IRF5: variants seen among roughly 807,000 people sequenced by gnomAD.
IRF5 encodes the protein interferon regulatory factor 5.
In IRF5, 24 loss-of-function variants were observed where a neutral mutation model predicts 55.1. The observed-to-expected ratio is 0.44, with a 90% CI of 0.32 to 0.61. IRF5 has a LOEUF of 0.61. Among genes scored for constraint, IRF5 ranks in the 20% least tolerant of loss-of-function variants. The probability of loss-of-function intolerance (pLI) is 0.07; values close to 1 mark genes in which losing one functional copy is unlikely to be tolerated. For synonymous variants in IRF5, 258 were observed against 260.2 expected, an observed-to-expected ratio of 0.99 and a Z score of 0.08; for missense variants, 499 against 658.5, an observed-to-expected ratio of 0.76 and a Z score of 2.65.
chr7:128,939,521 G>T (rs982705111), intron 1 of IRF5, among the ~76,000 whole-genome samples: 1 of 152,156 alleles, frequency 6.6e-6, no homozygotes, highest in Non-Finnish European at 1.5e-5. Context: ...TCCCTGAGCT[G>T]GGTGTGGGTT....
intron 2 of IRF5, 22 bp from the exon 3 acceptor site, chr7:128,945,823 C>A: frequency 1.3e-6 from 2 of 1,594,960 alleles, no homozygotes; most frequent in South Asian, 2.2e-5. Flanking sequence ...TCTCTGTGGT[C>A]GGCTATTTCT....
chr7:128,940,549 A>G, intron 1 of IRF5: 1 of 152,664 alleles, frequency 6.6e-6, no homozygotes, highest in Non-Finnish European at 1.5e-5. Flanking sequence ...TCTGGGTGGG[A>G]GGTTGGAAAT....
In IRF5 at chr7:128,948,386, T is replaced by A; in HGVS notation, c.1299+58T>A. The stretch of plus-strand genomic sequence containing the variant: ...CTTGAAAACTGGGGAATCCTGGGGC[T>A]AGGCCCTTGCCCCAGGCTGGAGGCT... On this transcript the variant is annotated intron_variant, in intron 8 of 8. Transcript: ENST00000357234. The surrounding 1 kb of genome is among the most constrained non-coding windows in gnomAD (Gnocchi z 4.6). 3 of 1,474,044 alleles carry A rather than the reference T, an allele frequency of 2.0e-6. No individual in the cohort carries two copies. The highest frequency in any genetic ancestry group is 1.8e-6 in the Non-Finnish European group (2 of 1,084,230). The allele number at this position is 1,474,044 out of a possible 1,614,324, so 91.3% of individuals were successfully genotyped here.
rs1563078213 is a variant in IRF5 at position 128,948,000 on chromosome 7, C to A, written c.1059C>A (p.Ile353=). ...TACAGGGCCAGGACCTTTATGCCAT[C>A]CGCCTGTGTCAGTGCAAGGTGTTCT... is the stretch of plus-strand genomic sequence containing the variant. The part of the protein sequence containing the change: ...LQLQGQDLYA[I]RLCQCKVFWS... Residue 353 remains isoleucine (I), a synonymous_variant, in exon 7 of 9, where the codon ATC becomes ATA. Coordinates refer to ENST00000357234, the MANE Select transcript of IRF5 (RefSeq NM_001098629.3). The surrounding 1 kb of genome is among the most constrained non-coding windows in gnomAD (Gnocchi z 6.5). The A allele has an allele frequency of 5.6e-6, 9 of 1,614,198 alleles. No individual in the cohort carries two copies. In the East Asian group the frequency reaches 2.0e-4, roughly 36 times the overall value.
At chr7:128,941,961 C>A in intron 1 of IRF5, 110 bp from the exon 2 acceptor site, 1 of 749,414 alleles carries the variant, frequency 1.3e-6, no homozygotes, top group Non-Finnish European at 2.1e-6. Context: ...CCTTAAATAC[C>A]TAGATGGACT....
Position 128,946,563 on chromosome 7 carries a change from G to GT in IRF5, c.447+2dup. The GT allele has an allele frequency of 6.3e-7, 1 of 1,591,564 alleles. No individual in the cohort carries two copies. Among genetic ancestry groups the GT allele is most frequent in the Non-Finnish European group, 8.6e-7 (1 of 1,165,524 alleles). On this transcript the variant is annotated splice_donor_variant, in intron 4 of 8. Coordinates refer to ENST00000357234, the MANE Select transcript of IRF5 (RefSeq NM_001098629.3). LOFTEE classifies it high-confidence loss of function. The surrounding 1 kb of genome is among the most constrained non-coding windows in gnomAD (Gnocchi z 4.2). ...AGAGGAGGAGGAAGAAGAGGAAGAG[G>GT]TGAGTGTGGGTTGAGGAGGCAGGTG...
chr7:128,942,288 G>T lies in IRF5; in HGVS notation c.195+12G>T. On this transcript the variant is annotated intron_variant, in intron 2 of 8. Transcript: ENST00000357234. ...ACACCATCTTCAAGGTAAGCCCCGG[G>T]GAGGAGGTTGGCTGGACCTCCAGGG... 6.2e-7 allele frequency: 1 copy of T among 1,601,984 alleles called. No homozygotes were observed. Among genetic ancestry groups the T allele is most frequent in the Non-Finnish European group, 8.5e-7 (1 of 1,172,272 alleles).
Position 128,948,992 on chromosome 7 carries a change from G to T in IRF5, c.*174G>T, listed in dbSNP as rs746194881. ...GAAAGGCCCGAGCCCCTGCCTTCCC[G>T]GGCCTTTCTCTCCTGGGCTGTCTCT... On this transcript the variant is annotated 3_prime_UTR_variant, in exon 9 of 9. Coordinates refer to ENST00000357234, the MANE Select transcript of IRF5 (RefSeq NM_001098629.3). The surrounding 1 kb of genome is among the most constrained non-coding windows in gnomAD (Gnocchi z 4.6). 1.4e-5 allele frequency: 10 copies of T among 732,640 alleles called. No individual in the cohort carries two copies. The highest frequency in any genetic ancestry group is 1.7e-5 in the Non-Finnish European group (8 of 458,534). The allele number at this position is 732,640 out of a possible 1,614,324, so 45.4% of individuals were successfully genotyped here.
At position 128,948,124 on chromosome 7, in the gene IRF5, G is replaced by T. The variant is rs768858966; in HGVS notation, c.1180+3G>T. 11 of 1,613,518 alleles carry T rather than the reference G, an allele frequency of 6.8e-6. No individual in the cohort carries two copies. The highest frequency in any genetic ancestry group is 1.3e-5 in the African/African-American group (1 of 74,918). On this transcript the variant is annotated splice_donor_region_variant and intron_variant, in intron 7 of 8. Transcript: ENST00000357234. This position sits in a 1 kb window ranked among gnomAD's most constrained non-coding sequence, Gnocchi z 4.6. ...CAGCCTGGAGCATTTTCTCAATGGT[G>T]AGGGCCCAAAGCTGTGATCCTCCTG... is the stretch of plus-strand genomic sequence containing the variant.
At position 128,948,745 on chromosome 7, in the gene IRF5, C is replaced by A. The variant is rs749639613; in HGVS notation, c.1472C>A (p.Ala491Asp). 1.9e-6 allele frequency: 3 copies of A among 1,613,156 alleles called. No individual in the cohort carries two copies. In the Admixed American group the frequency reaches 5.0e-5, roughly 27 times the overall value. ...WQSQQRLQPV[A>D]QAPPGAGLGV... ...TCCCAGCAGCGGTTGCAGCCTGTGG[C>A]CCAGGCCCCTCCTGGAGCAGGCCTT... Residue 491 changes from alanine to aspartate, a missense_variant, in exon 9 of 9, where the codon GCC becomes GAC. By Grantham distance (126) the Ala-to-Asp change is moderately radical. Coordinates refer to ENST00000357234, the MANE Select transcript of IRF5 (RefSeq NM_001098629.3). This position sits in a 1 kb window ranked among gnomAD's most constrained non-coding sequence, Gnocchi z 4.6.
At position 128,947,312 on chromosome 7, in the gene IRF5, C is replaced by T. The variant is rs534043449; in HGVS notation, c.564C>T (p.Pro188=). ...DVKWPPTLQP[P]TLRPPTLQPP... is the part of the protein sequence containing the mutation. ...AGTGGCCGCCCACTCTGCAGCCGCC[C>T]ACTCTGCGGCCGCCTACTCTGCAGC... Residue 188 remains proline, a synonymous_variant, in exon 6 of 9, where the codon CCC becomes CCT. Coordinates refer to ENST00000357234, the MANE Select transcript of IRF5 (RefSeq NM_001098629.3). This position sits in a 1 kb window ranked among gnomAD's most constrained non-coding sequence, Gnocchi z 6.5. 4 of 414,156 alleles carry T rather than the reference C, an allele frequency of 9.7e-6. No homozygotes were observed. The East Asian group carries it at 3.3e-4, about 34-fold the overall frequency. The allele number at this position is 414,156 out of a possible 1,614,324, so 25.7% of individuals were successfully genotyped here.
In IRF5 at chr7:128,948,941, T is replaced by G. The variant is rs1311646412; in HGVS notation, c.*123T>G. Reference sequence around the variant, plus strand: ...GTCCTACCTCTGGGTTTCCTGGAAGTGGATTTGGGCCAAGAAGGAGAGGGA... The same window carrying G: ...GTCCTACCTCTGGGTTTCCTGGAAGGGGATTTGGGCCAAGAAGGAGAGGGA... On this transcript the variant is annotated 3_prime_UTR_variant, in exon 9 of 9. Coordinates refer to ENST00000357234, the MANE Select transcript of IRF5 (RefSeq NM_001098629.3). This position sits in a 1 kb window ranked among gnomAD's most constrained non-coding sequence, Gnocchi z 4.6. 1 of 1,251,210 alleles carries G rather than the reference T, an allele frequency of 8.0e-7. No individual in the cohort carries two copies. The highest frequency in any genetic ancestry group is 1.1e-6 in the Non-Finnish European group (1 of 916,132). The allele number at this position is 1,251,210 out of a possible 1,614,324, so 77.5% of individuals were successfully genotyped here. A position where few individuals can be genotyped will look rare whatever the true frequency, so the allele number is the denominator to read the frequency against.
At position 128,946,615 on chromosome 7, in the gene IRF5, C is replaced by T. The variant is rs1375664137; in HGVS notation, c.447+53C>T. On this transcript the variant is annotated intron_variant, in intron 4 of 8. Coordinates refer to ENST00000357234, the MANE Select transcript of IRF5 (RefSeq NM_001098629.3). This position sits in a 1 kb window ranked among gnomAD's most constrained non-coding sequence, Gnocchi z 4.2. ...AGCCCTGGACGAGCTCTCTGCTGTC[C>T]CCATCGGCCTTAGGTTTCCGCAGCC... The T allele has an allele frequency of 5.5e-6, 7 of 1,267,878 alleles. No homozygotes were observed. The highest frequency in any genetic ancestry group is 7.9e-6 in the Non-Finnish European group (7 of 889,302). The allele number at this position is 1,267,878 out of a possible 1,614,324, so 78.5% of individuals were successfully genotyped here.
Position 128,947,427 on chromosome 7 carries a change from A to G in IRF5, c.679A>G (p.Arg227Gly). 6.2e-7 allele frequency: 1 copy of G among 1,611,600 alleles called. No homozygotes were observed. Among genetic ancestry groups the G allele is most frequent in the African/African-American group, 1.3e-5 (1 of 75,014 alleles). ...APPPGNPAGF[R>G]ELLSEVLEPG... ...TCCCCCTGGCAACCCTGCTGGCTTC[A>G]GGGAGCTTCTCTCTGAGGTCCTGGA... The change falls in exon 6 of 9, where the codon AGG (arginine) becomes GGG (glycine). Residue 227 changes from arginine to glycine, a missense_variant. Coordinates refer to ENST00000357234, the MANE Select transcript of IRF5 (RefSeq NM_001098629.3). This position sits in a 1 kb window ranked among gnomAD's most constrained non-coding sequence, Gnocchi z 6.5.
At position 128,947,988 on chromosome 7, in the gene IRF5, C is replaced by A; in HGVS notation, c.1047C>A (p.Asp349Glu). Residue 349 changes from aspartate (D) to glutamate (E), a missense_variant, in exon 7 of 9, where the codon GAC (aspartate) becomes GAA (glutamate). Asp to Glu is a conservative substitution (Grantham distance 45, BLOSUM62 2). This residue lies in a region of IRF5 where 194 missense variants were observed against 318.3 expected (regional missense o/e 0.61). Transcript: ENST00000357234. This position sits in a 1 kb window ranked among gnomAD's most constrained non-coding sequence, Gnocchi z 6.5. ...RGLILQLQGQ[D>E]LYAIRLCQCK... ...TCATCCTCCAGCTACAGGGCCAGGA[C>A]CTTTATGCCATCCGCCTGTGTCAGT... 1 of 1,614,180 alleles carries A rather than the reference C, an allele frequency of 6.2e-7. No homozygotes were observed. The highest frequency in any genetic ancestry group is 1.6e-4 in the Middle Eastern group (1 of 6,062).
chr7:128,946,874 C>A lies in IRF5; in HGVS notation c.448-149C>A. ...CTGCCTGGGATGGACGAGCTGGGAC[C>A]GGAGGCAGGGTCTTGCCTGAGCTAA... is the stretch of plus-strand genomic sequence containing the variant. On this transcript the variant is annotated intron_variant, in intron 4 of 8. Coordinates refer to ENST00000357234, the MANE Select transcript of IRF5 (RefSeq NM_001098629.3). The surrounding 1 kb of genome is among the most constrained non-coding windows in gnomAD (Gnocchi z 4.2). 2 of 940,408 alleles carry A rather than the reference C, an allele frequency of 2.1e-6. No homozygotes were observed. The highest frequency in any genetic ancestry group is 1.4e-5 in the South Asian group (1 of 68,978). 58.3% of individuals were successfully genotyped at this position (940,408 alleles called of 1,614,324 possible).
intron 2 of IRF5, among the ~76,000 whole-genome samples, chr7:128,944,836 T>G (rs1168719246): frequency 6.6e-6 from 1 of 152,240 alleles, no homozygotes; most frequent in African/African-American, 2.4e-5. Flanking sequence ...TGGCCGTAAT[T>G]TCACCAGCCC....
chr7:128,947,930 C>T lies in IRF5; in HGVS notation c.989C>T (p.Thr330Met), dbSNP rs1279982666. The T allele has an allele frequency of 2.4e-5, 39 of 1,614,130 alleles. No homozygotes were observed. The highest frequency in any genetic ancestry group is 3.1e-5 in the Non-Finnish European group (36 of 1,180,010). Residue 330 changes from threonine to methionine, a missense_variant, in exon 7 of 9, where the codon ACG becomes ATG. Thr to Met is a moderately conservative substitution (Grantham distance 81). Around this residue, in one of 2 missense-constraint regions of IRF5, gnomAD observed 194 missense variants for 318.3 expected, o/e 0.61. Transcript: ENST00000357234. The surrounding 1 kb of genome is among the most constrained non-coding windows in gnomAD (Gnocchi z 6.5). ...DIPSDKQRFY[T>M]NQLLDVLDRG... ...CCCAGTGACAAGCAGCGCTTCTACA[C>T]GAACCAGCTGCTGGATGTCCTGGAC...
chr7:128,946,929 C>A lies in IRF5; in HGVS notation c.448-94C>A. ...AGGCTAGGGGAGTTGCCTCATAGTTCTCGCCTGTTATTTCCCCAGCCCCAG... is the reference window on the plus strand; with the variant it reads ...AGGCTAGGGGAGTTGCCTCATAGTTATCGCCTGTTATTTCCCCAGCCCCAG... On this transcript the variant is annotated intron_variant, in intron 4 of 8. Coordinates refer to ENST00000357234, the MANE Select transcript of IRF5 (RefSeq NM_001098629.3). The surrounding 1 kb of genome is among the most constrained non-coding windows in gnomAD (Gnocchi z 4.2). 1 of 1,497,640 alleles carries A rather than the reference C, an allele frequency of 6.7e-7. No homozygotes were observed. The highest frequency in any genetic ancestry group is 9.3e-7 in the Non-Finnish European group (1 of 1,076,426). The allele number at this position is 1,497,640 out of a possible 1,614,324, so 92.8% of individuals were successfully genotyped here. A position where few individuals can be genotyped will look rare whatever the true frequency, so the allele number is the denominator to read the frequency against.
Sources: gnomAD v4.1 joint callset for allele counts (sites outside exome capture counted in the v4.1 genomes callset) on GRCh38, gnomAD v4.1.1 for gene constraint, gnomAD v4.1.1 regional missense constraint, Gnocchi (gnomAD v3.1) non-coding constraint, MANE v1.5 for transcripts, NCBI Gene and HGNC (gene_info 2026-07-23, HGNC 2026-07-21) for gene names.